CABCOCO1: variants seen among roughly 807,000 people sequenced by gnomAD.
The protein encoded by CABCOCO1 is ciliary associated calcium binding coiled-coil 1, also known as ciliary-associated calcium-binding coiled-coil protein 1.
CABCOCO1 carries 28 observed loss-of-function variants against 35.7 expected under a neutral mutation model. The ratio of observed to expected loss-of-function variants is 0.78; its 90% CI spans 0.58 to 1.07. The LOEUF (loss-of-function observed/expected upper bound fraction) is 1.07. Among genes scored for constraint, CABCOCO1 ranks in the 50% least tolerant of loss-of-function variants. CABCOCO1 has a pLI of 0.00. For synonymous variants in CABCOCO1, 95 were observed against 100.1 expected (o/e 0.95, Z 0.30); for missense variants, 326 against 309.2 (o/e 1.05, Z -0.41).
chr10:61,716,476 C>T (rs1238125338), intron 5 of CABCOCO1, among the ~76,000 whole-genome samples: 5 of 152,118 alleles, frequency 3.3e-5, no homozygotes, highest in African/African-American at 1.2e-4. Flanking sequence ...CAATTCATCA[C>T]ATCTTCCCAC....
At chr10:61,680,498 GTTATA>G (rs1359884304) in intron 2 of CABCOCO1, among the ~76,000 whole-genome samples, 10 of 132,140 alleles carry the variant, frequency 7.6e-5, no homozygotes, top group East Asian at 2.2e-4. Context: ...CATATTATAT[GTTATA>G]TTATGTTATA....
At chr10:61,715,821 G>C (rs1840851126) in intron 5 of CABCOCO1, among the ~76,000 whole-genome samples, 1 of 152,150 alleles carries the variant, frequency 6.6e-6, no homozygotes, top group African/African-American at 2.4e-5. Context: ...TTTTCTTTAA[G>C]AATGTTGAAT....
chr10:61,736,781 T>C (rs957251156), intron 5 of CABCOCO1, among the ~76,000 whole-genome samples: 3 of 152,242 alleles, frequency 2.0e-5, no homozygotes, highest in African/African-American at 7.2e-5. Context: ...GAGCATGGGA[T>C]GTTTTTCCAT....
At chr10:61,705,534 G>T (rs11814989) in intron 5 of CABCOCO1, among the ~76,000 whole-genome samples, 83 of 152,130 alleles carry the variant, frequency 5.5e-4, no homozygotes, top group Non-Finnish European at 8.8e-4. Flanking sequence ...TCAGAGCCTA[G>T]CAAGAGAAAC....
At chr10:61,743,516 TATCA>T (rs1392506826) in intron 5 of CABCOCO1, among the ~76,000 whole-genome samples, 1 of 152,210 alleles carries the variant, frequency 6.6e-6, no homozygotes, top group African/African-American at 2.4e-5. Flanking sequence ...ATTGGTTTAC[TATCA>T]ATCAGCCGGT....
intron 5 of CABCOCO1, among the ~76,000 whole-genome samples, chr10:61,755,328 T>C (rs1841875631): frequency 6.6e-6 from 1 of 152,134 alleles, no homozygotes; most frequent in African/African-American, 2.4e-5. Flanking sequence ...CAAGTACTTC[T>C]TAATTAGACT....
At chr10:61,760,021 A>G (rs756167463) in intron 5 of CABCOCO1, 38 bp from the exon 6 acceptor site, 3 of 1,610,542 alleles carry the variant, frequency 1.9e-6, no homozygotes, top group Non-Finnish European at 2.5e-6. Context: ...TTGCTCACCA[A>G]AGGCTCTGTC....
intron 5 of CABCOCO1, among the ~76,000 whole-genome samples, chr10:61,759,265 A>T (rs1841959922): frequency 6.6e-6 from 1 of 152,074 alleles, no homozygotes; most frequent in South Asian, 2.1e-4. Context: ...TGGGATGGGA[A>T]TTGAAATTAA....
intron 5 of CABCOCO1, among the ~76,000 whole-genome samples, chr10:61,755,940 ACT>A (rs1185008989): frequency 1.3e-5 from 2 of 151,960 alleles, no homozygotes; most frequent in East Asian, 1.9e-4. Flanking sequence ...ATCCAAACTG[ACT>A]CTGTACTTTG....
chr10:61,685,719 C>T (rs1485048233), intron 3 of CABCOCO1, among the ~76,000 whole-genome samples: 1 of 152,088 alleles, frequency 6.6e-6, no homozygotes, highest in Non-Finnish European at 1.5e-5. Context: ...TGTCACCATG[C>T]CTGGCTAATT....
At chr10:61,735,522 G>T (rs1841397213) in intron 5 of CABCOCO1, among the ~76,000 whole-genome samples, 2 of 152,104 alleles carry the variant, frequency 1.3e-5, no homozygotes, top group African/African-American at 4.8e-5. Context: ...TCCTATGGAG[G>T]TCTTGCTGAA....
chr10:61,740,386 G>A (rs578141604), intron 5 of CABCOCO1, among the ~76,000 whole-genome samples: 1 of 152,326 alleles, frequency 6.6e-6, no homozygotes, highest in South Asian at 2.1e-4. Context: ...TAATGGAGGA[G>A]GAGAAACCAG....
intron 3 of CABCOCO1, chr10:61,685,020 T>C (rs1440892751): frequency 6.6e-6 from 1 of 152,212 alleles, no homozygotes; most frequent in African/African-American, 2.4e-5. Context: ...TGTGAAAGAA[T>C]AGATGAGAAA....
chr10:61,730,870 A>G (rs1426534282), intron 5 of CABCOCO1, among the ~76,000 whole-genome samples: 2 of 151,920 alleles, frequency 1.3e-5, no homozygotes, highest in Non-Finnish European at 2.9e-5. Flanking sequence ...GACAGCCCCA[A>G]AGAGGGAGAT....
intron 4 of CABCOCO1, among the ~76,000 whole-genome samples, chr10:61,689,757 A>G (rs573610634): frequency 1.3e-5 from 2 of 152,178 alleles, no homozygotes; most frequent in Non-Finnish European, 2.9e-5. Context: ...AATTTTCTCA[A>G]CCAGCAGGAA....
At chr10:61,739,738 C>G (rs372039555) in intron 5 of CABCOCO1, among the ~76,000 whole-genome samples, 1 of 151,850 alleles carries the variant, frequency 6.6e-6, no homozygotes, top group East Asian at 1.9e-4. Context: ...GTCAGGAGAT[C>G]GAGACCATCC....
intron 5 of CABCOCO1, among the ~76,000 whole-genome samples, chr10:61,726,034 A>G (rs2132047503): frequency 6.6e-6 from 1 of 152,358 alleles, no homozygotes; most frequent in East Asian, 1.9e-4. Context: ...AGAAACTCTC[A>G]TACTGTTTGT....
At chr10:61,682,292 A>G (rs1450215176) in intron 3 of CABCOCO1, among the ~76,000 whole-genome samples, 7 of 152,334 alleles carry the variant, frequency 4.6e-5, no homozygotes, top group Non-Finnish European at 8.8e-5. Flanking sequence ...GAGAAAGTAC[A>G]TATGTAGAAC....
chr10:61,708,600 G>A (rs1327272827), intron 5 of CABCOCO1, among the ~76,000 whole-genome samples: 1 of 152,008 alleles, frequency 6.6e-6, no homozygotes, highest in East Asian at 1.9e-4. Context: ...TTGGTGGAAG[G>A]GATGAACAAA....
Sources: allele counts gnomAD v4.1 joint callset (sites outside exome capture counted in the v4.1 genomes callset), GRCh38; gene constraint gnomAD v4.1.1; transcripts MANE v1.5; gene names NCBI Gene and HGNC (gene_info 2026-07-23, HGNC 2026-07-21).